The following RELN variants were observed in gnomAD, a reference collection of about 807,000 sequenced individuals.
RELN encodes reelin.
A neutral mutation model predicts 427.6 loss-of-function variants in RELN; 108 were observed. The ratio of observed to expected loss-of-function variants is 0.25; its 90% confidence interval spans 0.22 to 0.30. RELN has a LOEUF of 0.30. Among genes scored for constraint, RELN ranks in the 10% least tolerant of loss-of-function variants. The probability of loss-of-function intolerance (pLI) is 1.00; values close to 1 mark genes in which losing one functional copy is unlikely to be tolerated. For synonymous variants in RELN, 1,524 were observed against 1,513.4 expected, an observed-to-expected ratio of 1.01 and a Z score of -0.16; for missense variants, 3,715 against 4,302.8, an observed-to-expected ratio of 0.86 and a Z score of 3.82.
chr7:103,517,256 C>T (rs1829589435), intron 49 of RELN, among the ~76,000 whole-genome samples: 1 of 130,304 alleles, frequency 7.7e-6, no homozygotes, highest in South Asian at 2.4e-4. Flanking sequence ...TACATACTAT[C>T]CGAAATCTGT....
intron 27 of RELN, among the ~76,000 whole-genome samples, chr7:103,591,985 C>T: frequency 6.6e-6 from 1 of 152,028 alleles, no homozygotes; most frequent in South Asian, 2.1e-4. Context: ...TTTGGTCTCC[C>T]TCTAACTACA....
intron 42 of RELN, among the ~76,000 whole-genome samples, chr7:103,543,876 A>G (rs1487638872): frequency 1.3e-5 from 2 of 152,182 alleles, no homozygotes; most frequent in Non-Finnish European, 2.9e-5. Context: ...GAACTTTTTC[A>G]TGAGCCCGAA....
chr7:103,842,784 A>T (rs1455226767), intron 2 of RELN, among the ~76,000 whole-genome samples: 1 of 152,156 alleles, frequency 6.6e-6, no homozygotes, highest in Non-Finnish European at 1.5e-5. Context: ...TGGAAGAGAA[A>T]CTACCTATTT....
chr7:103,735,562 G>A (rs1353039629), intron 6 of RELN, among the ~76,000 whole-genome samples: 2 of 152,036 alleles, frequency 1.3e-5, no homozygotes, highest in African/African-American at 4.8e-5. Flanking sequence ...ATTTATGAAT[G>A]GTTGGTGGTG....
At chr7:103,890,194 T>C (rs1294241732) in intron 2 of RELN, among the ~76,000 whole-genome samples, 2 of 66,642 alleles carry the variant, frequency 3.0e-5, no homozygotes, top group African/African-American at 5.4e-5. Context: ...ATAGGCACTC[T>C]GAACTTTTTT....
At chr7:103,632,438 AG>A (rs1832490804) in intron 19 of RELN, among the ~76,000 whole-genome samples, 1 of 152,198 alleles carries the variant, frequency 6.6e-6, no homozygotes, top group South Asian at 2.1e-4. Context: ...CAGAGGCACA[AG>A]GAGGTTAAAT....
intron 1 of RELN, among the ~76,000 whole-genome samples, chr7:103,976,314 A>C (rs1486188260): frequency 2.0e-5 from 3 of 152,214 alleles, no homozygotes; most frequent in Non-Finnish European, 4.4e-5. Flanking sequence ...ACGATGTCTT[A>C]GGTGTAGACC....
chr7:103,817,133 C>T (rs1172026827), intron 3 of RELN, among the ~76,000 whole-genome samples: 1 of 151,872 alleles, frequency 6.6e-6, no homozygotes, highest in Middle Eastern at 3.4e-3. Context: ...ATTACAAGCA[C>T]GACCCACCAC....
rs1354713721 is a variant in RELN, at chr7:103,497,865, T to A, written c.8905A>T (p.Ile2969Phe). The A allele has an allele frequency of 6.2e-7, 1 of 1,614,136 alleles. No individual in the cohort carries two copies. Among genetic ancestry groups the A allele is most frequent in the African/African-American group, 1.3e-5 (1 of 75,040 alleles). ...AACAGCACGCCTTCCTTCCGGCAGA[T>A]GGGACGATGGCAAGAGGTCATGTTG... ...ENNMTSCHRP[I>F]CRKEGVLLDY... Residue 2969 changes from isoleucine to phenylalanine, a missense_variant, in exon 55 of 65, where the codon ATC becomes TTC. Ile to Phe is a conservative substitution (Grantham distance 21, BLOSUM62 0). Around this residue, in one of 4 missense-constraint regions of RELN, gnomAD observed 1,310 missense variants for 1,643.0 expected, o/e 0.80. Transcript: ENST00000428762.
rs1356769258 is a variant in RELN, at chr7:103,573,344, AC to A, written c.4511+747del. On this transcript the variant is annotated intron_variant, in intron 30 of 64. Transcript: ENST00000428762. The surrounding 1 kb of genome is among the most constrained non-coding windows in gnomAD (Gnocchi z 4.4). ...TTAGACTCACTTGGCTAAATTTTTC[AC>A]AGCAGGCCTTCAGTCAGTACGATGT... 6.6e-6 allele frequency among the ~76,000 whole-genome samples: 1 copy of A among 152,194 alleles called. No individual in the cohort carries two copies. The highest frequency in any genetic ancestry group is 2.4e-5 in the African/African-American group (1 of 41,452).
intron 5 of RELN, 37 bp downstream of exon 5, chr7:103,753,145 T>C: frequency 1.9e-6 from 3 of 1,608,416 alleles, no homozygotes; most frequent in South Asian, 1.1e-5. Context: ...GTAGATCAAG[T>C]ACTAAAGTTA....
chr7:103,782,878 C>T (rs980850744), intron 3 of RELN, among the ~76,000 whole-genome samples: 12 of 152,040 alleles, frequency 7.9e-5, no homozygotes, highest in African/African-American at 2.9e-4. Flanking sequence ...GGGTGGGTTG[C>T]TTTTTCTATC....
intron 8 of RELN, among the ~76,000 whole-genome samples, chr7:103,707,481 T>C (rs1376703194): frequency 1.3e-5 from 2 of 152,014 alleles, no homozygotes; most frequent in Non-Finnish European, 2.9e-5. Context: ...CCATGATGGC[T>C]TGCAAATCTA....
At chr7:103,835,816 T>C (rs1172501799) in intron 2 of RELN, among the ~76,000 whole-genome samples, 4 of 152,284 alleles carry the variant, frequency 2.6e-5, no homozygotes, top group East Asian at 1.9e-4. Context: ...CCAATACATA[T>C]GACAGCACCT....
chr7:103,872,315 T>C, intron 2 of RELN, among the ~76,000 whole-genome samples: 1 of 137,556 alleles, frequency 7.3e-6, no homozygotes, highest in Non-Finnish European at 1.6e-5. Context: ...TATGCGGTGT[T>C]TGGTTTTTTG....
At chr7:103,821,979 G>A (rs908228933) in intron 3 of RELN, among the ~76,000 whole-genome samples, 1 of 152,004 alleles carries the variant, frequency 6.6e-6, no homozygotes, top group African/African-American at 2.4e-5. Flanking sequence ...CATCAATGTG[G>A]ATAACCAAAA....
chr7:103,830,786 C>T (rs1006369913), intron 3 of RELN, among the ~76,000 whole-genome samples: 7 of 152,006 alleles, frequency 4.6e-5, no homozygotes, highest in African/African-American at 1.4e-4. Context: ...TCAACAAAAG[C>T]GTCTTGCCCA....
At chr7:103,781,428 T>A (rs1449245803) in intron 3 of RELN, among the ~76,000 whole-genome samples, 2 of 152,158 alleles carry the variant, frequency 1.3e-5, no homozygotes, top group Admixed American at 1.3e-4. Flanking sequence ...GGTCCTCCAA[T>A]TTTAAAAATT....
intron 7 of RELN, among the ~76,000 whole-genome samples, chr7:103,725,323 C>T (rs1035451860): frequency 6.6e-6 from 1 of 152,182 alleles, no homozygotes; most frequent in East Asian, 1.9e-4. Context: ...GAAGCCAAGG[C>T]AGTAGGACTG....
Sources: gnomAD v4.1 joint callset for allele counts (sites outside exome capture counted in the v4.1 genomes callset) on GRCh38, gnomAD v4.1.1 for gene constraint, gnomAD v4.1.1 regional missense constraint, Gnocchi (gnomAD v3.1) non-coding constraint, MANE v1.5 for transcripts, NCBI Gene and HGNC (gene_info 2026-07-23, HGNC 2026-07-21) for gene names.